Variants in RB1 observed in about 807,000 individuals in gnomAD.
RB1 encodes the protein retinoblastoma-associated protein.
In RB1, 18 loss-of-function variants were observed where a neutral mutation model predicts 135.4. That is an observed-to-expected ratio of 0.13 (90% CI 0.09 to 0.20). RB1 has a LOEUF of 0.20. Ranked by LOEUF, RB1 falls within the 10% of genes least tolerant of loss-of-function variation. RB1 has a pLI of 1.00. For missense variants in RB1, 868 were observed against 1,110.0 expected (o/e 0.78, Z 3.10); for synonymous variants, 365 against 373.2 (o/e 0.98, Z 0.25).
At chr13:48,475,413 T>C (rs1004122896) in intron 24 of RB1, among the ~76,000 whole-genome samples, 2 of 152,228 alleles carry the variant, frequency 1.3e-5, no homozygotes, top group Admixed American at 1.3e-4. Flanking sequence ...GGCAGACTTA[T>C]TCAAATGGCT....
chr13:48,342,886 A>G (rs1343286773), intron 3 of RB1, among the ~76,000 whole-genome samples, 172 bp downstream of exon 3: 4 of 152,100 alleles, frequency 2.6e-5, no homozygotes, highest in Non-Finnish European at 5.9e-5. Flanking sequence ...ATGAAAGTGT[A>G]TTTATGCTGT....
chr13:48,425,360 T>G lies in RB1; in HGVS notation c.1696-27633T>G, dbSNP rs764143182. 5.8e-4 allele frequency among the ~76,000 whole-genome samples: 88 copies of G among 152,250 alleles called. 1 individual carries two copies. Among genetic ancestry groups the G allele is most frequent in the Non-Finnish European group, 1.1e-3 (78 of 68,046 alleles). ...ATTCTCTCAAGGATGCTATGTAACCTAGTCCTACTCTGAATTCCTGGAAGA... is the reference window on the plus strand; with the variant it reads ...ATTCTCTCAAGGATGCTATGTAACCGAGTCCTACTCTGAATTCCTGGAAGA... On this transcript the variant is annotated intron_variant, in intron 17 of 26. Coordinates refer to ENST00000267163, the MANE Select transcript of RB1 (RefSeq NM_000321.3).
intron 2 of RB1, among the ~76,000 whole-genome samples, chr13:48,311,826 C>T (rs770355940): frequency 1.2e-4 from 19 of 152,216 alleles, no homozygotes; most frequent in Non-Finnish European, 2.5e-4. Flanking sequence ...CTGTCTCAGC[C>T]TCCCGAGTAG....
At chr13:48,420,743 A>G (rs1185793215) in intron 17 of RB1, among the ~76,000 whole-genome samples, 1 of 152,184 alleles carries the variant, frequency 6.6e-6, no homozygotes, top group Non-Finnish European at 1.5e-5. Context: ...TACAACAATA[A>G]TAGACAAACA....
intron 25 of RB1, 61 bp downstream of exon 25, chr13:48,476,904 C>G (rs2138359928): frequency 6.3e-7 from 1 of 1,576,130 alleles, no homozygotes; most frequent in Non-Finnish European, 8.7e-7. Context: ...AATCCAGAGT[C>G]TCAGCACTGC....
intron 5 of RB1, 97 bp from the exon 6 acceptor site, chr13:48,348,859 A>G (rs1952521300): frequency 2.2e-6 from 3 of 1,393,162 alleles, no homozygotes; most frequent in Non-Finnish European, 2.9e-6. Flanking sequence ...TTTTTTTTTT[A>G]ATGCACAAAA....
At chr13:48,429,152 G>A (rs1949105289) in intron 17 of RB1, 1 of 152,216 alleles carries the variant, frequency 6.6e-6, no homozygotes, top group Non-Finnish European at 1.5e-5. Context: ...AAAAAGGGTT[G>A]TTTTAGTCAA....
At chr13:48,381,134 TAAAA>T in intron 16 of RB1, 109 bp from the exon 17 acceptor site, 1 of 1,401,402 alleles carries the variant, frequency 7.1e-7, no homozygotes, top group South Asian at 1.5e-5. Context: ...CTGCTCTAAA[TAAAA>T]ATGGTTTAAC....
chr13:48,386,453 T>C (rs1198621854), intron 17 of RB1, among the ~76,000 whole-genome samples: 1 of 152,214 alleles, frequency 6.6e-6, no homozygotes, highest in Admixed American at 6.5e-5. Flanking sequence ...TACCAAAGTA[T>C]GATAGCTGTC....
chr13:48,480,177 T>A lies in RB1; in HGVS notation c.*106T>A. On this transcript the variant is annotated 3_prime_UTR_variant, in exon 27 of 27. Transcript: ENST00000267163. The stretch of plus-strand genomic sequence containing the variant: ...GTTCTGTTTATGGCCACATTTAATA[T>A]CTTCAGCTCTTTTTGTGGATATAAA... 1 of 905,250 alleles carries A rather than the reference T, an allele frequency of 1.1e-6. No individual in the cohort carries two copies. The highest frequency in any genetic ancestry group is 1.8e-6 in the Non-Finnish European group (1 of 555,582). The allele number at this position is 905,250 out of a possible 1,614,324, so 56.1% of individuals were successfully genotyped here. A position where few individuals can be genotyped will look rare whatever the true frequency, so the allele number is the denominator to read the frequency against.
intron 17 of RB1, chr13:48,406,777 G>C (rs1948743766): frequency 6.6e-6 from 1 of 152,236 alleles, no homozygotes; most frequent in African/African-American, 2.4e-5. Context: ...GGTTCAGCCA[G>C]GTGCAGTGGC....
chr13:48,472,405 C>A (rs1171167611), intron 23 of RB1, among the ~76,000 whole-genome samples: 1 of 152,112 alleles, frequency 6.6e-6, no homozygotes, highest in Non-Finnish European at 1.5e-5. Flanking sequence ...AGTTGGATAT[C>A]TGTGTACTGA....
chr13:48,431,656 G>GAGC (rs1289529316), intron 17 of RB1, among the ~76,000 whole-genome samples: 13 of 151,992 alleles, frequency 8.6e-5, no homozygotes, highest in Non-Finnish European at 1.5e-5. Context: ...TAGAAGATAC[G>GAGC]AGCACTACTC....
chr13:48,386,973 C>T (rs1948575753), intron 17 of RB1, among the ~76,000 whole-genome samples: 1 of 152,136 alleles, frequency 6.6e-6, no homozygotes, highest in African/African-American at 2.4e-5. Context: ...CAGTTCCGCC[C>T]TGCAACTAAC....
chr13:48,478,108 A>G (rs1389402663), intron 26 of RB1, among the ~76,000 whole-genome samples: 1 of 152,186 alleles, frequency 6.6e-6, no homozygotes, highest in African/African-American at 2.4e-5. Flanking sequence ...TGCCAGATCC[A>G]TTGATAGGAA....
intron 17 of RB1, among the ~76,000 whole-genome samples, chr13:48,418,509 A>G (rs1016175931): frequency 1.3e-5 from 2 of 152,216 alleles, no homozygotes; most frequent in Non-Finnish European, 2.9e-5. Context: ...TAGCATCATA[A>G]TGACAGGATC....
chr13:48,419,613 A>C (rs1228558133), intron 17 of RB1, among the ~76,000 whole-genome samples: 1 of 152,178 alleles, frequency 6.6e-6, no homozygotes, highest in African/African-American at 2.4e-5. Context: ...TTTTTTGAAA[A>C]GATTAACAAA....
rs1300691838 is a variant in RB1, at chr13:48,319,414, C to T, written c.264+12008C>T. The T allele has an allele frequency of 2.6e-6, 1 of 382,544 alleles. No homozygotes were observed. The highest frequency in any genetic ancestry group is 2.1e-5 in the African/African-American group (1 of 47,202). The allele number at this position is 382,544 out of a possible 1,614,324, so 23.7% of individuals were successfully genotyped here. A position where few individuals can be genotyped will look rare whatever the true frequency, so the allele number is the denominator to read the frequency against. On this transcript the variant is annotated intron_variant, in intron 2 of 26. Transcript: ENST00000267163. The surrounding 1 kb of genome is among the most constrained non-coding windows in gnomAD (Gnocchi z 5.0). ...CCGTCGTTGCTGCTGGAGTCTGACG[C>T]CTCGGGCGCCTGCGCCGCACTTGTG...
chr13:48,473,472 CA>C, intron 24 of RB1, 82 bp downstream of exon 24: 1 of 1,235,876 alleles, frequency 8.1e-7, no homozygotes, highest in Non-Finnish European at 1.2e-6. Flanking sequence ...TTTGAATTTC[CA>C]AATGCAGTTA....
Sources: gnomAD v4.1 joint callset for allele counts (sites outside exome capture counted in the v4.1 genomes callset) on GRCh38, gnomAD v4.1.1 for gene constraint, Gnocchi (gnomAD v3.1) non-coding constraint, MANE v1.5 for transcripts, NCBI Gene and HGNC (gene_info 2026-07-23, HGNC 2026-07-21) for gene names.